The following DIP2C variants were observed in gnomAD, a reference collection of about 807,000 sequenced individuals.
The protein encoded by DIP2C is disco-interacting protein 2 homolog C.
A neutral mutation model predicts 192.4 loss-of-function variants in DIP2C; 33 were observed. The ratio of observed to expected loss-of-function variants is 0.17; its 90% CI spans 0.13 to 0.23. DIP2C has a LOEUF of 0.23. Ranked by LOEUF, DIP2C falls within the 10% of genes least tolerant of loss-of-function variation. The probability of loss-of-function intolerance (pLI) is 1.00; values close to 1 mark genes in which losing one functional copy is unlikely to be tolerated. For synonymous variants in DIP2C, 979 were observed against 864.1 expected (o/e 1.13, Z -2.33); for missense variants, 1,537 against 2,110.1 (o/e 0.73, Z 5.32).
rs187076715 is a variant in DIP2C at position 366,193 on chromosome 10, C to T, written c.2268+82G>A. The T allele has an allele frequency of 4.6e-5, 72 of 1,553,482 alleles. No homozygotes were observed. In the East Asian group the frequency reaches 4.7e-4, roughly 10 times the overall value. ...TTGCTAAAATGGATCTTACATTCCA[C>T]GTCTATCACTATGCACCTGGCAAGG... is the stretch of plus-strand genomic sequence containing the variant. On this transcript the variant is annotated intron_variant, in intron 19 of 36. Coordinates refer to ENST00000280886, the MANE Select transcript of DIP2C (RefSeq NM_014974.3).
intron 22 of DIP2C, 96 bp downstream of exon 22, chr10:362,394 C>A: frequency 7.1e-7 from 1 of 1,401,796 alleles, no homozygotes; most frequent in Non-Finnish European, 9.6e-7. Context: ...CATCAGCTTC[C>A]TGCAAGCAGC....
intron 1 of DIP2C, among the ~76,000 whole-genome samples, chr10:546,234 G>T (rs1848277446): frequency 6.8e-6 from 1 of 147,308 alleles, no homozygotes; most frequent in Non-Finnish European, 1.5e-5. Context: ...GTGAGCCGAG[G>T]TCACGCCACT....
intron 3 of DIP2C, among the ~76,000 whole-genome samples, chr10:469,995 G>C (rs944071332): frequency 1.6e-4 from 24 of 152,192 alleles, no homozygotes; most frequent in South Asian, 6.2e-4. Flanking sequence ...GAAAGTGAGA[G>C]GTGGGGAGGT....
chr10:673,595 G>C (rs1418899410), intron 1 of DIP2C, among the ~76,000 whole-genome samples: 1 of 152,110 alleles, frequency 6.6e-6, no homozygotes, highest in Non-Finnish European at 1.5e-5. Flanking sequence ...TGCAGAAGAC[G>C]GGGCCATCCA....
rs371042962 is a variant in DIP2C, at chr10:655,261, G to A, written c.85+34233C>T. Among the ~76,000 whole-genome samples the A allele has an allele frequency of 5.3e-5, 8 of 152,134 alleles. No homozygotes were observed. In the East Asian group the frequency reaches 9.6e-4, roughly 18 times the overall value. On this transcript the variant is annotated intron_variant, in intron 1 of 36. Transcript: ENST00000280886. ...CTTTTTGCTGAGACCTTTCCTTTTCGCTTAATAAATTCTACTGCACTCAGT... is the reference window on the plus strand; with the variant it reads ...CTTTTTGCTGAGACCTTTCCTTTTCACTTAATAAATTCTACTGCACTCAGT...
At chr10:629,395 G>A (rs921319871) in intron 1 of DIP2C, among the ~76,000 whole-genome samples, 4 of 152,130 alleles carry the variant, frequency 2.6e-5, no homozygotes, top group Admixed American at 2.6e-4. Context: ...TGGACACACA[G>A]ACACTCCCAG....
At chr10:575,589 A>G (rs1850099412) in intron 1 of DIP2C, among the ~76,000 whole-genome samples, 2 of 152,214 alleles carry the variant, frequency 1.3e-5, no homozygotes, top group Non-Finnish European at 2.9e-5. Context: ...TTGCAAAAAC[A>G]TAGCTCAGCA....
At chr10:281,660 C>T (rs1403389050) in intron 35 of DIP2C, among the ~76,000 whole-genome samples, 1 of 152,238 alleles carries the variant, frequency 6.6e-6, no homozygotes, top group Non-Finnish European at 1.5e-5. Context: ...CGGCACCCAG[C>T]GGTCTGAGTT....
chr10:621,180 G>A (rs1361316338), intron 1 of DIP2C, among the ~76,000 whole-genome samples: 2 of 152,136 alleles, frequency 1.3e-5, no homozygotes, highest in African/African-American at 2.4e-5. Context: ...CCACGTATTC[G>A]CCACTTACCA....
At chr10:444,864 G>A (rs978910054) in intron 3 of DIP2C, among the ~76,000 whole-genome samples, 1 of 152,324 alleles carries the variant, frequency 6.6e-6, no homozygotes, top group African/African-American at 2.4e-5. Context: ...CCAGTTTTTG[G>A]CTATGAGAAT....
chr10:417,934 G>C (rs1195593888), intron 6 of DIP2C, among the ~76,000 whole-genome samples: 1 of 102,860 alleles, frequency 9.7e-6, no homozygotes, highest in South Asian at 3.6e-4. Context: ...TCCTGTCAGG[G>C]CTTCGATAGG....
At chr10:624,028 C>G (rs1176597388) in intron 1 of DIP2C, among the ~76,000 whole-genome samples, 1 of 152,234 alleles carries the variant, frequency 6.6e-6, no homozygotes, top group Non-Finnish European at 1.5e-5. Flanking sequence ...CAGTTGGGCT[C>G]GAACCGCCAC....
intron 26 of DIP2C, among the ~76,000 whole-genome samples, chr10:346,658 C>T (rs1325264428): frequency 8.4e-5 from 10 of 118,718 alleles, no homozygotes; most frequent in Non-Finnish European, 1.0e-4. Context: ...AGACATATCG[C>T]GTATAGTTCT....
chr10:487,560 A>G (rs1844102661), intron 1 of DIP2C, among the ~76,000 whole-genome samples: 1 of 137,564 alleles, frequency 7.3e-6, no homozygotes, highest in Non-Finnish European at 1.5e-5. Context: ...TCCGCCCATC[A>G]ATGAGTGTTT....
At chr10:577,404 G>A (rs1272582509) in intron 1 of DIP2C, among the ~76,000 whole-genome samples, 1 of 152,234 alleles carries the variant, frequency 6.6e-6, no homozygotes. Context: ...CCCTTTCTAT[G>A]TGGCCGTAAC....
At chr10:535,899 T>C (rs1393073101) in intron 1 of DIP2C, among the ~76,000 whole-genome samples, 2 of 152,260 alleles carry the variant, frequency 1.3e-5, no homozygotes, top group Non-Finnish European at 2.9e-5. Context: ...CACATACTTA[T>C]ATGTATGCAA....
intron 1 of DIP2C, among the ~76,000 whole-genome samples, chr10:548,208 A>AC (rs33930610): frequency 0.16 from 9,254 of 58,042 alleles, 952 homozygotes; most frequent in East Asian, 0.46. Flanking sequence ...AGTCTGCCCC[A>AC]CCCCCCCCCC....
intron 1 of DIP2C, among the ~76,000 whole-genome samples, chr10:579,424 A>C (rs888256324): frequency 6.6e-6 from 1 of 152,030 alleles, no homozygotes; most frequent in Admixed American, 6.5e-5. Context: ...GCGTATGTAC[A>C]TAGGTACACT....
At chr10:557,863 GGGCAGGCA>G (rs1189027747) in intron 1 of DIP2C, among the ~76,000 whole-genome samples, 5 of 105,420 alleles carry the variant, frequency 4.7e-5, no homozygotes, top group South Asian at 5.4e-4. Context: ...GAGGGGGCAG[GGGCAGGCA>G]GGCAGGCAGG....
Sources: gnomAD v4.1 joint callset for allele counts (sites outside exome capture counted in the v4.1 genomes callset) on GRCh38, gnomAD v4.1.1 for gene constraint, MANE v1.5 for transcripts, NCBI Gene and HGNC (gene_info 2026-07-23, HGNC 2026-07-21) for gene names.